The following PDE4B variants were observed in gnomAD, a reference collection of about 807,000 sequenced individuals.
PDE4B encodes phosphodiesterase 4B.
A neutral mutation model predicts 82.2 loss-of-function variants in PDE4B; 20 were observed. The ratio of observed to expected loss-of-function variants is 0.24; its 90% confidence interval spans 0.17 to 0.35. The LOEUF (loss-of-function observed/expected upper bound fraction) is 0.35, where lower values mean the gene tolerates loss of function less well. PDE4B is among the 10% of genes least tolerant of loss of function. The pLI, the probability that PDE4B is intolerant of heterozygous loss-of-function variation, is 1.00. For synonymous variants in PDE4B, 320 were observed against 318.9 expected (o/e 1.00, Z -0.04); for missense variants, 655 against 907.2 (o/e 0.72, Z 3.57).
intron 3 of PDE4B, among the ~76,000 whole-genome samples, chr1:66,182,336 TATA>T (rs1382682800): frequency 2.0e-5 from 3 of 152,162 alleles, no homozygotes; most frequent in Non-Finnish European, 4.4e-5. Flanking sequence ...TTTGGGGAAA[TATA>T]ATAATTTGTT....
chr1:65,826,521 A>C (rs1027034705), intron 1 of PDE4B, among the ~76,000 whole-genome samples: 4 of 152,156 alleles, frequency 2.6e-5, no homozygotes, highest in African/African-American at 7.2e-5. Context: ...GAATCCTAAG[A>C]AAACTGCCCT....
intron 1 of PDE4B, among the ~76,000 whole-genome samples, chr1:65,864,954 G>A (rs558780175): frequency 8.5e-5 from 13 of 152,334 alleles, no homozygotes; most frequent in Admixed American, 7.8e-4. Context: ...AGGCAGGAAC[G>A]TTTAAGTCCA....
chr1:65,999,948 C>G (rs759849616), intron 3 of PDE4B, among the ~76,000 whole-genome samples: 8 of 152,146 alleles, frequency 5.3e-5, no homozygotes, highest in Non-Finnish European at 1.2e-4. Flanking sequence ...GCTGTGCTCT[C>G]TTTCTGTCAG....
At chr1:66,323,564 A>T (rs1428486351) in intron 7 of PDE4B, among the ~76,000 whole-genome samples, 4 of 152,202 alleles carry the variant, frequency 2.6e-5, no homozygotes, top group Non-Finnish European at 5.9e-5. Context: ...AATTTTACTC[A>T]TTAATTATTT....
intron 3 of PDE4B, among the ~76,000 whole-genome samples, chr1:66,060,945 A>G (rs990346568): frequency 2.0e-5 from 3 of 151,966 alleles, no homozygotes; most frequent in Non-Finnish European, 2.9e-5. Context: ...GGTGTAATAC[A>G]TATAAGAAAA....
intron 7 of PDE4B, among the ~76,000 whole-genome samples, chr1:66,285,185 T>C (rs1656583616): frequency 6.6e-6 from 1 of 152,182 alleles, no homozygotes; most frequent in Non-Finnish European, 1.5e-5. Context: ...AACAACTCTG[T>C]GAGTTCTTAA....
intron 7 of PDE4B, among the ~76,000 whole-genome samples, chr1:66,278,242 T>C (rs1656037262): frequency 6.6e-6 from 1 of 152,196 alleles, no homozygotes; most frequent in African/African-American, 2.4e-5. Context: ...GAAAATAGGC[T>C]TTCTTGAAAC....
intron 3 of PDE4B, among the ~76,000 whole-genome samples, chr1:66,223,426 A>G (rs17423910): frequency 0.16 from 24,386 of 152,048 alleles, 2,183 homozygotes; most frequent in Non-Finnish European, 0.2. Flanking sequence ...TTCATATTCA[A>G]TTTTCCCTCA....
At chr1:65,917,809 A>G (rs1279188242) in intron 2 of PDE4B, among the ~76,000 whole-genome samples, 1 of 152,260 alleles carries the variant, frequency 6.6e-6, no homozygotes, top group Admixed American at 6.5e-5. Flanking sequence ...TCATAAGAAC[A>G]TAACAGTCAC....
chr1:66,363,601 TG>T lies in PDE4B; in HGVS notation c.1284+31del, dbSNP rs770703886. 5.1e-6 allele frequency: 8 copies of T among 1,572,964 alleles called. No homozygotes were observed. The South Asian group carries it at 9.1e-5, about 18-fold the overall frequency. The stretch of plus-strand genomic sequence containing the variant: ...GTAATTATGACCTGTTTTGCATTCC[TG>T]CCCATCCTCCTTCAAAAATGCCATA... On this transcript the variant is annotated intron_variant, in intron 12 of 16. Transcript: ENST00000341517.
chr1:66,331,636 C>T, intron 7 of PDE4B: 1 of 462,852 alleles, frequency 2.2e-6, no homozygotes, highest in Non-Finnish European at 2.8e-6. Context: ...ATTGGAGCCC[C>T]CAGCTTTAAT....
At chr1:66,189,666 C>T (rs1033584819) in intron 3 of PDE4B, among the ~76,000 whole-genome samples, 3 of 152,146 alleles carry the variant, frequency 2.0e-5, no homozygotes, top group African/African-American at 7.2e-5. Flanking sequence ...GTTCTCATGC[C>T]ATGGTTTTCA....
chr1:65,873,488 G>T (rs1318570692), intron 1 of PDE4B, among the ~76,000 whole-genome samples: 1 of 152,178 alleles, frequency 6.6e-6, no homozygotes, highest in African/African-American at 2.4e-5. Flanking sequence ...TGTGAGATTG[G>T]AGACAAGAGC....
intron 3 of PDE4B, among the ~76,000 whole-genome samples, chr1:66,037,749 G>T (rs1654145594): frequency 6.6e-6 from 1 of 152,030 alleles, no homozygotes; most frequent in African/African-American, 2.4e-5. Context: ...TGTTAGGTGT[G>T]AATATTGGCA....
chr1:66,136,571 G>A (rs1223315717), intron 3 of PDE4B, among the ~76,000 whole-genome samples: 5 of 151,728 alleles, frequency 3.3e-5, no homozygotes, highest in South Asian at 2.1e-4. Flanking sequence ...TTAGATGGGC[G>A]TGGTGGCAGG....
At chr1:66,191,709 G>T (rs984905802) in intron 3 of PDE4B, among the ~76,000 whole-genome samples, 26 of 152,128 alleles carry the variant, frequency 1.7e-4, no homozygotes, top group Non-Finnish European at 4.4e-5. Flanking sequence ...TGCTGATAAA[G>T]ACATACCCGA....
At chr1:66,192,618 G>A (rs1474569171) in intron 3 of PDE4B, among the ~76,000 whole-genome samples, 1 of 152,116 alleles carries the variant, frequency 6.6e-6, no homozygotes, top group Non-Finnish European at 1.5e-5. Flanking sequence ...AAGAAATATA[G>A]GAAATATCCG....
At chr1:66,064,456 GA>G (rs1449947891) in intron 3 of PDE4B, among the ~76,000 whole-genome samples, 1 of 151,782 alleles carries the variant, frequency 6.6e-6, no homozygotes, top group Non-Finnish European at 1.5e-5. Flanking sequence ...ACAAGAAAAG[GA>G]AAAAAAGGAG....
At chr1:66,285,846 A>G (rs1557679521) in intron 7 of PDE4B, among the ~76,000 whole-genome samples, 1 of 152,186 alleles carries the variant, frequency 6.6e-6, no homozygotes, top group Non-Finnish European at 1.5e-5. Context: ...TCAGGAAGAA[A>G]GAACCAAAGG....
Sources: gnomAD v4.1 joint callset for allele counts (sites outside exome capture counted in the v4.1 genomes callset) on GRCh38, gnomAD v4.1.1 for gene constraint, MANE v1.5 for transcripts, NCBI Gene and HGNC (gene_info 2026-07-23, HGNC 2026-07-21) for gene names.